The following CWH43 variants were observed in gnomAD, a reference collection of about 807,000 sequenced individuals.
The protein encoded by CWH43 is PGAP2-interacting protein.
In CWH43, 91 loss-of-function variants were observed where a neutral mutation model predicts 85.7. That is an observed-to-expected ratio of 1.06 (90% confidence interval 0.90 to 1.26). The LOEUF (loss-of-function observed/expected upper bound fraction) is 1.26, where lower values mean the gene tolerates loss of function less well. Ranked by LOEUF, CWH43 falls within the 50% of genes most tolerant of loss-of-function variation. The pLI is 0.00. For synonymous variants in CWH43, 323 were observed against 293.6 expected, an observed-to-expected ratio of 1.10 and a Z score of -1.02; for missense variants, 869 against 839.2, an observed-to-expected ratio of 1.04 and a Z score of -0.44.
At chr4:49,024,290 A>G (rs780857711) in intron 9 of CWH43, among the ~76,000 whole-genome samples, 8 of 152,160 alleles carry the variant, frequency 5.3e-5, no homozygotes, top group Admixed American at 2.0e-4. Flanking sequence ...GTAAATTCTT[A>G]CCAGTTCTGC....
intron 15 of CWH43, among the ~76,000 whole-genome samples, chr4:49,061,330 AAGTCTTAGCTTTCTTCCT>A (rs1223273729): frequency 1.5e-4 from 23 of 152,216 alleles, no homozygotes; most frequent in South Asian, 8.3e-4. Context: ...TCTTATGTGC[AAGTCTTAGCTTTCTTCCT>A]AGTGTCTTTT....
At chr4:49,007,112 CCTTTCAAGGAA>C (rs2109766390) in intron 7 of CWH43, 78 bp from the exon 8 acceptor site, 2 of 1,426,956 alleles carry the variant, frequency 1.4e-6, no homozygotes, top group South Asian at 3.1e-5. Flanking sequence ...AGGGTATGTT[CCTTTCAAGGAA>C]CTCTCAGCTG....
At chr4:49,044,685 T>C (rs1349658855) in intron 13 of CWH43, 101 bp from the exon 14 acceptor site, 2 of 860,750 alleles carry the variant, frequency 2.3e-6, no homozygotes, top group Non-Finnish European at 3.7e-6. Context: ...AAACAGCATG[T>C]ACAAAGAGAT....
chr4:49,023,134 C>T (rs1179673721), intron 9 of CWH43, among the ~76,000 whole-genome samples: 1 of 152,040 alleles, frequency 6.6e-6, no homozygotes, highest in East Asian at 1.9e-4. Flanking sequence ...CTTAGGTTCT[C>T]TATTTGTGCT....
chr4:48,997,225 CT>C (rs35408755), intron 5 of CWH43, among the ~76,000 whole-genome samples: 67 of 145,154 alleles, frequency 4.6e-4, no homozygotes, highest in Middle Eastern at 3.5e-3. Flanking sequence ...TAACTTAAAA[CT>C]TTTTTTTTTT....
chr4:49,032,800 T>C, intron 12 of CWH43, 85 bp downstream of exon 12: 1 of 1,496,186 alleles, frequency 6.7e-7, no homozygotes, highest in African/African-American at 1.4e-5. Flanking sequence ...AAATCACCTT[T>C]CTCATTTTCT....
chr4:49,017,222 A>C (rs755326296), intron 8 of CWH43, 27 bp from the exon 9 acceptor site: 1 of 1,574,266 alleles, frequency 6.4e-7, no homozygotes, highest in Non-Finnish European at 8.7e-7. Flanking sequence ...TTTTAAAAAA[A>C]CCCAATTATT....
At chr4:49,005,883 G>A (rs1783141655) in intron 7 of CWH43, among the ~76,000 whole-genome samples, 1 of 152,120 alleles carries the variant, frequency 6.6e-6, no homozygotes, top group Admixed American at 6.6e-5. Flanking sequence ...TGCACATTTT[G>A]CCATATGCTT....
intron 8 of CWH43, among the ~76,000 whole-genome samples, chr4:49,009,284 A>G (rs1577668375): frequency 6.6e-6 from 1 of 152,120 alleles, no homozygotes; most frequent in Non-Finnish European, 1.5e-5. Context: ...TTTGTCTGTT[A>G]TTGGTGTATA....
chr4:49,060,079 C>G (rs1362828025), intron 15 of CWH43, among the ~76,000 whole-genome samples: 1 of 152,080 alleles, frequency 6.6e-6, no homozygotes, highest in African/African-American at 2.4e-5. Flanking sequence ...TGGTCTGGAG[C>G]TCGGGTGGGT....
intron 15 of CWH43, among the ~76,000 whole-genome samples, chr4:49,054,153 A>G (rs1267818862): frequency 6.6e-6 from 1 of 152,000 alleles, no homozygotes; most frequent in Non-Finnish European, 1.5e-5. Context: ...AAGCCCAAAA[A>G]TCTTTAATCT....
chr4:49,010,392 A>T (rs767726380), intron 8 of CWH43, among the ~76,000 whole-genome samples: 1 of 151,498 alleles, frequency 6.6e-6, no homozygotes, highest in African/African-American at 2.4e-5. Context: ...CTTGCTAGTG[A>T]TCTATCAATT....
intron 6 of CWH43, among the ~76,000 whole-genome samples, chr4:49,002,214 T>C (rs965262629): frequency 6.6e-6 from 1 of 152,074 alleles, no homozygotes; most frequent in African/African-American, 2.4e-5. Context: ...AAGGAAATAA[T>C]AGGTAATGTG....
rs1166137490 is a variant in CWH43 at position 49,054,551 on chromosome 4, T to C, written c.2021+3702T>C. ...TTTTCTATTCCTGTGAAAAATGTCATTGGAATTTTGATAAGGATTACATTG... is the reference window on the plus strand; with the variant it reads ...TTTTCTATTCCTGTGAAAAATGTCACTGGAATTTTGATAAGGATTACATTG... On this transcript the variant is annotated intron_variant, in intron 15 of 15. Transcript: ENST00000226432. 3.9e-5 allele frequency among the ~76,000 whole-genome samples: 6 copies of C among 152,266 alleles called. No individual in the cohort carries two copies. The South Asian group carries it at 1.0e-3, about 26-fold the overall frequency.
intron 7 of CWH43, among the ~76,000 whole-genome samples, 176 bp downstream of exon 7, chr4:49,004,168 T>C (rs569647072): frequency 5.8e-4 from 88 of 152,354 alleles, no homozygotes; most frequent in African/African-American, 2.0e-3. Context: ...AAATTATAAA[T>C]TAAAATCAAA....
At position 48,992,623 on chromosome 4, in the gene CWH43, C is replaced by A. The variant is rs997026618; in HGVS notation, c.511+533C>A. Among the ~76,000 whole-genome samples the A allele has an allele frequency of 1.3e-5, 2 of 152,184 alleles. No individual in the cohort carries two copies. The highest frequency in any genetic ancestry group is 2.9e-5 in the Non-Finnish European group (2 of 68,040). ...TCCAATCACCTGTCTCTCCCAGGGG[C>A]CAGCTTTCTCCGAGACAGAAACATG... On this transcript the variant is annotated intron_variant, in intron 4 of 15. Coordinates refer to ENST00000226432, the MANE Select transcript of CWH43 (RefSeq NM_025087.3). This position sits in a 1 kb window ranked among gnomAD's most constrained non-coding sequence, Gnocchi z 4.3.
chr4:48,989,296 G>C (rs1399003618), intron 2 of CWH43, among the ~76,000 whole-genome samples: 1 of 152,164 alleles, frequency 6.6e-6, no homozygotes, highest in South Asian at 2.1e-4. Context: ...AGTTTGACAA[G>C]TAGATTGGCA....
chr4:49,020,306 G>A (rs7694122), intron 9 of CWH43, among the ~76,000 whole-genome samples: 88,482 of 151,132 alleles, frequency 0.59, 28,889 homozygotes, highest in Admixed American at 0.75. Context: ...TTCACTTAGA[G>A]TAATGGTCTC....
chr4:49,049,849 T>A (rs2109838403), intron 14 of CWH43, among the ~76,000 whole-genome samples: 1 of 152,322 alleles, frequency 6.6e-6, no homozygotes, highest in South Asian at 2.1e-4. Flanking sequence ...CTGCCTGTCC[T>A]TCTTACACTG....
Sources: gnomAD v4.1 joint callset for allele counts (sites outside exome capture counted in the v4.1 genomes callset) on GRCh38, gnomAD v4.1.1 for gene constraint, Gnocchi (gnomAD v3.1) non-coding constraint, MANE v1.5 for transcripts, NCBI Gene and HGNC (gene_info 2026-07-23, HGNC 2026-07-21) for gene names.